SAMTOR: variants seen among roughly 807,000 people sequenced by gnomAD.
SAMTOR encodes S-adenosylmethionine sensor upstream of mTORC1, also known as UPF0532 protein C7orf60.
the SAMTOR span, among the ~76,000 whole-genome samples, chr7:112,920,247 C>G: frequency 7.9e-5 from 12 of 152,154 alleles, no homozygotes; most frequent in African/African-American, 2.7e-4. Flanking sequence ...AAAGCTTATC[C>G]GCCATGATCA....
chr7:112,934,824 T>G, the SAMTOR span, among the ~76,000 whole-genome samples: 1 of 152,236 alleles, frequency 6.6e-6, no homozygotes, highest in Middle Eastern at 3.2e-3. Context: ...TGGTTTCTAG[T>G]GTATCTTTTC....
At chr7:112,885,785 C>T in the SAMTOR span, among the ~76,000 whole-genome samples, 1 of 152,180 alleles carries the variant, frequency 6.6e-6, no homozygotes, top group Non-Finnish European at 1.5e-5. Flanking sequence ...ACTGTTCTGA[C>T]GTCTGCCTGT....
the SAMTOR span, among the ~76,000 whole-genome samples, chr7:112,861,554 G>C: frequency 6.6e-6 from 1 of 152,118 alleles, no homozygotes; most frequent in Non-Finnish European, 1.5e-5. Context: ...AATAAATATG[G>C]CTGTTTTTGG....
chr7:112,855,594 C>T, the SAMTOR span, among the ~76,000 whole-genome samples: 1 of 152,062 alleles, frequency 6.6e-6, no homozygotes, highest in African/African-American at 2.4e-5. Context: ...CTTCTGGAGG[C>T]CACCCATATT....
At chr7:112,927,329 CA>C in the SAMTOR span, among the ~76,000 whole-genome samples, 2 of 151,930 alleles carry the variant, frequency 1.3e-5, no homozygotes, top group African/African-American at 2.4e-5. Flanking sequence ...AAAAGGACAA[CA>C]TTTTTTCATT....
the SAMTOR span, among the ~76,000 whole-genome samples, chr7:112,845,357 T>C: frequency 6.6e-6 from 1 of 152,120 alleles, no homozygotes; most frequent in Non-Finnish European, 1.5e-5. Context: ...AAAGGTCCAA[T>C]ATCCAGCATC....
chr7:112,903,839 TG>T, the SAMTOR span, among the ~76,000 whole-genome samples: 2 of 152,136 alleles, frequency 1.3e-5, no homozygotes, highest in Non-Finnish European at 2.9e-5. Flanking sequence ...GTAAGATGGG[TG>T]AACTCAGAGA....
chr7:112,871,596 T>C, the SAMTOR span, among the ~76,000 whole-genome samples: 11 of 152,000 alleles, frequency 7.2e-5, no homozygotes, highest in Non-Finnish European at 1.5e-4. Context: ...TCTACTATTG[T>C]ACCTAAAGAA....
At chr7:112,882,952 T>C in the SAMTOR span, among the ~76,000 whole-genome samples, 1 of 152,146 alleles carries the variant, frequency 6.6e-6, no homozygotes, top group African/African-American at 2.4e-5. Flanking sequence ...TTAAAGAGGA[T>C]ATTAAAAAAT....
the SAMTOR span, among the ~76,000 whole-genome samples, chr7:112,933,531 T>C: frequency 5.3e-5 from 8 of 152,232 alleles, no homozygotes; most frequent in African/African-American, 1.9e-4. Flanking sequence ...TCTCAACTGA[T>C]GTTTCACTCT....
At chr7:112,851,652 A>G in the SAMTOR span, among the ~76,000 whole-genome samples, 822 of 152,294 alleles carry the variant, frequency 5.4e-3, 6 homozygotes, top group Non-Finnish European at 9.6e-3. Flanking sequence ...AACAAAAACA[A>G]ACAGACAAAT....
At chr7:112,887,840 G>A in the SAMTOR span, among the ~76,000 whole-genome samples, 21 of 151,978 alleles carry the variant, frequency 1.4e-4, no homozygotes, top group African/African-American at 4.6e-4. Context: ...ATCTCTTTTC[G>A]TTGGTTAGCT....
the SAMTOR span, among the ~76,000 whole-genome samples, chr7:112,885,062 C>T: frequency 2.6e-5 from 4 of 152,358 alleles, no homozygotes; most frequent in East Asian, 7.7e-4. Context: ...TTGGGACTTG[C>T]ACCCTCTGAA....
the SAMTOR span, among the ~76,000 whole-genome samples, chr7:112,905,771 C>T: frequency 1.3e-5 from 2 of 151,722 alleles, no homozygotes; most frequent in East Asian, 1.9e-4. Context: ...CAAACACTTC[C>T]TTAATATTAG....
At chr7:112,819,196 G>GA in the SAMTOR span, 1 of 152,490 alleles carries the variant, frequency 6.6e-6, no homozygotes, top group Non-Finnish European at 1.5e-5. Flanking sequence ...CACAAAATGT[G>GA]AAAAAATACA....
chr7:112,901,144 G>A, the SAMTOR span, among the ~76,000 whole-genome samples: 1 of 152,224 alleles, frequency 6.6e-6, no homozygotes, highest in African/African-American at 2.4e-5. Flanking sequence ...ATACATATCA[G>A]GGGTCCCCAA....
At chr7:112,932,754 G>A in the SAMTOR span, among the ~76,000 whole-genome samples, 1 of 152,290 alleles carries the variant, frequency 6.6e-6, no homozygotes, top group South Asian at 2.1e-4. Context: ...TCTGTGCTAG[G>A]TGCTGTACAC....
the SAMTOR span, among the ~76,000 whole-genome samples, chr7:112,907,494 T>A: frequency 4.2e-4 from 64 of 152,126 alleles, 1 homozygote; most frequent in Middle Eastern, 6.8e-3. Flanking sequence ...AGAAGACTGA[T>A]ACATCTAACT....
At chr7:112,895,551 T>G in the SAMTOR span, 1 of 1,496,788 alleles carries the variant, frequency 6.7e-7, no homozygotes, top group Non-Finnish European at 9.1e-7. Flanking sequence ...ATAATCAAAG[T>G]AGAAAAAGTA....
Sources: gnomAD v4.1 joint callset for allele counts (sites outside exome capture counted in the v4.1 genomes callset) on GRCh38, gnomAD v4.1.1 for gene constraint, MANE v1.5 for transcripts, NCBI Gene and HGNC (gene_info 2026-07-23, HGNC 2026-07-21) for gene names.